The following UNC5B variants were observed in gnomAD, a reference collection of about 807,000 sequenced individuals.
The protein encoded by UNC5B is unc-5 netrin receptor B, also known as netrin receptor UNC5B.
UNC5B carries 56 observed loss-of-function variants against 103.7 expected under a neutral mutation model. The observed-to-expected ratio is 0.54, with a 90% CI of 0.44 to 0.67. The LOEUF is 0.67. Among genes scored for constraint, UNC5B ranks in the 30% least tolerant of loss-of-function variants. UNC5B has a pLI of 0.00. For synonymous variants in UNC5B, 577 were observed against 542.0 expected (o/e 1.06, Z -0.90); for missense variants, 1,194 against 1,284.5 (o/e 0.93, Z 1.08).
intron 1 of UNC5B, among the ~76,000 whole-genome samples, chr10:71,215,381 C>T (rs760765564): frequency 2.0e-5 from 3 of 152,112 alleles, no homozygotes; most frequent in Non-Finnish European, 4.4e-5. Context: ...CTGAGGCAGG[C>T]GAGGCTCTCT....
chr10:71,213,364 C>A lies in UNC5B; in HGVS notation c.79+300C>A, dbSNP rs948903355. Among the ~76,000 whole-genome samples the A allele has an allele frequency of 5.9e-5, 9 of 152,084 alleles. No homozygotes were observed. The highest frequency in any genetic ancestry group is 2.2e-4 in the African/African-American group (9 of 41,414). On this transcript the variant is annotated intron_variant, in intron 1 of 16. Transcript: ENST00000335350. The surrounding 1 kb of genome is among the most constrained non-coding windows in gnomAD (Gnocchi z 4.1). ...CAGGGTCTGAGTCTCCGGGAGGATC[C>A]GCCTCCTGGGGACGCCCGGCTCTCC...
chr10:71,217,272 T>G (rs911083018), intron 1 of UNC5B: 12 of 152,644 alleles, frequency 7.9e-5, no homozygotes, highest in African/African-American at 2.9e-4. Flanking sequence ...AAAAATACCG[T>G]AATTAGAATA....
At chr10:71,216,870 C>A (rs1843340463) in intron 1 of UNC5B, among the ~76,000 whole-genome samples, 1 of 152,204 alleles carries the variant, frequency 6.6e-6, no homozygotes, top group African/African-American at 2.4e-5. Flanking sequence ...GTTAGTGATT[C>A]TGAATAGACA....
chr10:71,258,237 CTAG>C (rs1844336932), intron 1 of UNC5B, among the ~76,000 whole-genome samples: 1 of 152,198 alleles, frequency 6.6e-6, no homozygotes, highest in Non-Finnish European at 1.5e-5. Context: ...CCCTCACTCT[CTAG>C]TGCCACATGG....
At chr10:71,240,416 A>G (rs1284385976) in intron 1 of UNC5B, among the ~76,000 whole-genome samples, 1 of 152,264 alleles carries the variant, frequency 6.6e-6, no homozygotes, top group Non-Finnish European at 1.5e-5. Context: ...GAAGGAAGGC[A>G]GGCTCTCAGG....
At position 71,286,827 on chromosome 10, in the gene UNC5B, G is replaced by A. The variant is rs762649023; in HGVS notation, c.691G>A (p.Val231Met). 5.1e-5 allele frequency: 83 copies of A among 1,614,032 alleles called. 1 individual carries two copies. Among genetic ancestry groups the A allele is most frequent in the Middle Eastern group, 3.3e-4 (2 of 6,082 alleles). ...CTATACCTGCGTGGCCAAGAACATC[G>A]TGGCCAAACGCCGGAGCACCACTGC... is the stretch of plus-strand genomic sequence containing the variant. ...ANYTCVAKNI[V>M]AKRRSTTATV... The change falls in exon 5 of 17, where the codon GTG (valine) becomes ATG (methionine). Residue 231 changes from valine (V) to methionine (M), a missense_variant. Physicochemically the swap from Val to Met is conservative, Grantham distance 21. Coordinates refer to ENST00000335350, the MANE Select transcript of UNC5B (RefSeq NM_170744.5).
At chr10:71,259,521 G>A (rs1844366823) in intron 1 of UNC5B, among the ~76,000 whole-genome samples, 1 of 152,254 alleles carries the variant, frequency 6.6e-6, no homozygotes, top group Non-Finnish European at 1.5e-5. Context: ...CTAAGAAACC[G>A]AGGCTCAGAG....
chr10:71,255,606 C>G (rs146418210), intron 1 of UNC5B, among the ~76,000 whole-genome samples: 291 of 152,340 alleles, frequency 1.9e-3, no homozygotes, highest in African/African-American at 6.9e-3. Flanking sequence ...TTAGCGCCAT[C>G]CATCCCCAGT....
Position 71,301,795 on chromosome 10 carries a change from G to A in UNC5B, c.*2518G>A, listed in dbSNP as rs1460591756. On this transcript the variant is annotated 3_prime_UTR_variant, in exon 17 of 17. Transcript: ENST00000335350. ...GTGTCCTTTTCATACCTAGAAGTCT[G>A]CGGTCTGAGGCTCTTTGGGTTCAGA... The A allele has an allele frequency of 1.3e-5, 2 of 152,256 alleles. No individual in the cohort carries two copies. The highest frequency in any genetic ancestry group is 1.5e-5 in the Non-Finnish European group (1 of 68,052). 9.4% of individuals were successfully genotyped at this position (152,256 alleles called of 1,614,324 possible). A position where few individuals can be genotyped will look rare whatever the true frequency, so the allele number is the denominator to read the frequency against.
intron 1 of UNC5B, among the ~76,000 whole-genome samples, chr10:71,235,934 A>G (rs1843767734): frequency 6.6e-6 from 1 of 152,250 alleles, no homozygotes; most frequent in Non-Finnish European, 1.5e-5. Context: ...AGCCTGCAGC[A>G]TGGGTCCTAC....
Position 71,300,949 on chromosome 10 carries a change from A to T in UNC5B, c.*1672A>T, listed in dbSNP as rs1402794793. ...TGAGGGGACAGCACATACCACCCCC[A>T]CCCAACCTGTTCGAGGGGCCCTGCA... On this transcript the variant is annotated 3_prime_UTR_variant, in exon 17 of 17. Coordinates refer to ENST00000335350, the MANE Select transcript of UNC5B (RefSeq NM_170744.5). 1 of 152,122 alleles carries T rather than the reference A, an allele frequency of 6.6e-6. No individual in the cohort carries two copies. The highest frequency in any genetic ancestry group is 2.4e-5 in the African/African-American group (1 of 41,296). 9.4% of individuals were successfully genotyped at this position (152,122 alleles called of 1,614,324 possible).
intron 2 of UNC5B, among the ~76,000 whole-genome samples, 177 bp from the exon 3 acceptor site, chr10:71,284,542 TG>T (rs1845014047): frequency 6.6e-6 from 1 of 152,128 alleles, no homozygotes; most frequent in Non-Finnish European, 1.5e-5. Context: ...GCCACTGCAA[TG>T]TGCAGGTGAG....
At chr10:71,233,719 T>TG (rs1032076652) in intron 1 of UNC5B, among the ~76,000 whole-genome samples, 154 of 152,144 alleles carry the variant, frequency 1.0e-3, no homozygotes, top group East Asian at 3.9e-4. Flanking sequence ...GGGGCTGGGG[T>TG]GGGGCACAGG....
At chr10:71,221,668 C>G (rs1418002697) in intron 1 of UNC5B, among the ~76,000 whole-genome samples, 1 of 152,148 alleles carries the variant, frequency 6.6e-6, no homozygotes, top group Non-Finnish European at 1.5e-5. Flanking sequence ...TGCTGGGGTG[C>G]AAGGGGGATT....
intron 1 of UNC5B, among the ~76,000 whole-genome samples, chr10:71,266,562 C>A (rs999563692): frequency 6.6e-6 from 1 of 152,228 alleles, no homozygotes; most frequent in African/African-American, 2.4e-5. Flanking sequence ...ATCCGCCCCA[C>A]ACGAGTCTGT....
At chr10:71,220,537 G>C (rs940331830) in intron 1 of UNC5B, among the ~76,000 whole-genome samples, 6 of 152,194 alleles carry the variant, frequency 3.9e-5, no homozygotes, top group African/African-American at 1.4e-4. Flanking sequence ...ATTCTAAGGA[G>C]GTTAACACGG....
At position 71,298,090 on chromosome 10, in the gene UNC5B, G is replaced by A. The variant is rs929376293; in HGVS notation, c.2672G>A (p.Arg891Gln). ...TTAGCACAGAAGCTCTCTATGGACC[G>A]GTGAGTATCCCAAACCACAGCCCAT... is the stretch of plus-strand genomic sequence containing the variant. The part of the protein sequence containing the change: ...RMLAQKLSMD[R>Q]YLNYFATKAS... Residue 891 changes from arginine to glutamine, a missense_variant and splice_region_variant, in exon 16 of 17, where the codon CGG (arginine) becomes CAG (glutamine). By Grantham distance (43) the Arg-to-Gln change is conservative. Transcript: ENST00000335350. The A allele has an allele frequency of 3.9e-5, 62 of 1,600,340 alleles. No homozygotes were observed. The highest frequency in any genetic ancestry group is 5.1e-5 in the Non-Finnish European group (60 of 1,173,886).
intron 1 of UNC5B, among the ~76,000 whole-genome samples, chr10:71,275,949 A>G (rs1323233375): frequency 6.6e-6 from 1 of 152,140 alleles, no homozygotes. Context: ...CATGACAAAC[A>G]GTAAGAATAG....
intron 1 of UNC5B, among the ~76,000 whole-genome samples, chr10:71,231,644 AAG>A (rs561345813): frequency 1.3e-4 from 20 of 151,994 alleles, no homozygotes; most frequent in Non-Finnish European, 2.8e-4. Flanking sequence ...TAAAAATCTT[AAG>A]AGTTTTTTTT....
Sources: gnomAD v4.1 joint callset for allele counts (sites outside exome capture counted in the v4.1 genomes callset) on GRCh38, gnomAD v4.1.1 for gene constraint, Gnocchi (gnomAD v3.1) non-coding constraint, MANE v1.5 for transcripts, NCBI Gene and HGNC (gene_info 2026-07-23, HGNC 2026-07-21) for gene names.